BLTP3B: variants seen among roughly 807,000 people sequenced by gnomAD.
BLTP3B encodes the protein bridge-like lipid transfer protein family member 3B.
chr12:100,133,059 C>G, the BLTP3B span, among the ~76,000 whole-genome samples: 1 of 152,020 alleles, frequency 6.6e-6, no homozygotes, highest in Admixed American at 6.6e-5. Context: ...CTGGCTAACA[C>G]GGTGAAACCC....
At chr12:100,048,735 G>GGGGGGAGA in the BLTP3B span, among the ~76,000 whole-genome samples, 1 of 119,552 alleles carries the variant, frequency 8.4e-6, no homozygotes, top group South Asian at 2.8e-4. Flanking sequence ...GTAAGGGGGG[G>GGGGGGAGA]GAGAGAGAGA....
At chr12:100,132,225 A>T in the BLTP3B span, among the ~76,000 whole-genome samples, 1 of 152,380 alleles carries the variant, frequency 6.6e-6, no homozygotes. Context: ...AATACTGCAA[A>T]AAAGGAAAAT....
the BLTP3B span, among the ~76,000 whole-genome samples, chr12:100,107,499 G>C: frequency 3.9e-4 from 59 of 151,428 alleles, no homozygotes; most frequent in Non-Finnish European, 5.9e-5. Flanking sequence ...GCCAGACGTG[G>C]TGGCACGTGC....
chr12:100,134,591 T>C, the BLTP3B span, among the ~76,000 whole-genome samples: 1 of 150,834 alleles, frequency 6.6e-6, no homozygotes, highest in African/African-American at 2.5e-5. Context: ...CACTCCAGCC[T>C]GGGCAACAGA....
At chr12:100,130,885 T>A in the BLTP3B span, among the ~76,000 whole-genome samples, 1 of 149,964 alleles carries the variant, frequency 6.7e-6, no homozygotes, top group Non-Finnish European at 1.5e-5. Flanking sequence ...GATCGCTCCA[T>A]GCCTGGGCAA....
the BLTP3B span, among the ~76,000 whole-genome samples, chr12:100,062,826 T>C: frequency 6.6e-6 from 1 of 152,076 alleles, no homozygotes; most frequent in East Asian, 1.9e-4. Flanking sequence ...CTGGACATGA[T>C]GGCTCATGCC....
chr12:100,084,184 G>A, the BLTP3B span, among the ~76,000 whole-genome samples: 1 of 150,658 alleles, frequency 6.6e-6, no homozygotes, highest in African/African-American at 2.4e-5. Flanking sequence ...GTGAGACCCT[G>A]TCTCAAAGAA....
At chr12:100,107,770 C>T in the BLTP3B span, among the ~76,000 whole-genome samples, 13 of 152,118 alleles carry the variant, frequency 8.5e-5, no homozygotes, top group East Asian at 1.9e-4. Context: ...GGTCTCACTC[C>T]GTCACCCAGG....
chr12:100,103,100 G>T, the BLTP3B span, among the ~76,000 whole-genome samples: 4 of 151,948 alleles, frequency 2.6e-5, no homozygotes, highest in South Asian at 8.3e-4. Context: ...CAGGTGTTGG[G>T]GGGTGGGGAA....
chr12:100,067,322 A>G, the BLTP3B span, among the ~76,000 whole-genome samples: 1 of 152,136 alleles, frequency 6.6e-6, no homozygotes, highest in African/African-American at 2.4e-5. Context: ...CCAGCAGAAG[A>G]AAGGCAATGA....
chr12:100,135,525 TC>T, the BLTP3B span, among the ~76,000 whole-genome samples: 1 of 152,124 alleles, frequency 6.6e-6, no homozygotes, highest in African/African-American at 2.4e-5. Flanking sequence ...CGCCTCAGCC[TC>T]CCAAAGTGCT....
At chr12:100,069,959 G>A in the BLTP3B span, 4 of 1,190,436 alleles carry the variant, frequency 3.4e-6, no homozygotes, top group Non-Finnish European at 3.1e-6. Flanking sequence ...TGGGGGCATG[G>A]CTGGAATACT....
chr12:100,088,856 C>T, the BLTP3B span: 1 of 1,306,454 alleles, frequency 7.7e-7, no homozygotes, highest in Non-Finnish European at 1.0e-6. Flanking sequence ...ATAAACAATC[C>T]AGTTTTGTAG....
chr12:100,050,125 T>G, the BLTP3B span: 1 of 1,414,858 alleles, frequency 7.1e-7, no homozygotes, highest in Non-Finnish European at 9.3e-7. Context: ...TTAAAACATA[T>G]TAAACCATTG....
chr12:100,084,755 G>A, the BLTP3B span: 1 of 1,271,654 alleles, frequency 7.9e-7, no homozygotes, highest in South Asian at 1.6e-5. Context: ...GTTTATTCAA[G>A]AAAGACTTTG....
the BLTP3B span, among the ~76,000 whole-genome samples, chr12:100,073,363 A>AT: frequency 0.23 from 31,733 of 139,746 alleles, 6,229 homozygotes; most frequent in African/African-American, 0.54. Flanking sequence ...ACAGACACAG[A>AT]TTTTTTTTTT....
chr12:100,053,276 G>A, the BLTP3B span, among the ~76,000 whole-genome samples: 9 of 147,440 alleles, frequency 6.1e-5, no homozygotes, highest in Admixed American at 2.7e-4. Context: ...GTGGTGGCAC[G>A]CATCTGTAAT....
the BLTP3B span, chr12:100,102,754 G>C: frequency 2.0e-6 from 3 of 1,528,482 alleles, no homozygotes; most frequent in Admixed American, 3.7e-5. Flanking sequence ...CAGATTAATG[G>C]AAGTAGCTTA....
At chr12:100,059,139 C>T in the BLTP3B span, 1 of 1,614,114 alleles carries the variant, frequency 6.2e-7, no homozygotes, top group Non-Finnish European at 8.5e-7. Flanking sequence ...TATTGGCCGT[C>T]CTTTTCCACT....
Sources: allele counts gnomAD v4.1 joint callset (sites outside exome capture counted in the v4.1 genomes callset), GRCh38; gene constraint gnomAD v4.1.1; transcripts MANE v1.5; gene names NCBI Gene and HGNC (gene_info 2026-07-23, HGNC 2026-07-21).